The following FGF14 variants were observed in gnomAD, a reference collection of about 807,000 sequenced individuals.
FGF14 encodes the protein fibroblast growth factor homologous factor 4.
Under a neutral mutation model 25.5 loss-of-function variants are expected in FGF14, and 5 were observed. The observed-to-expected ratio is 0.20, with a 90% CI of 0.10 to 0.41. FGF14 has a LOEUF of 0.41. Among genes scored for constraint, FGF14 ranks in the 10% least tolerant of loss-of-function variants. The pLI is 1.00. For missense variants in FGF14, 222 were observed against 320.1 expected, an observed-to-expected ratio of 0.69 and a Z score of 2.34; for synonymous variants, 138 against 118.3, an observed-to-expected ratio of 1.17 and a Z score of -1.08.
At chr13:101,990,094 G>C (rs139098432) in intron 1 of FGF14, among the ~76,000 whole-genome samples, 322 of 152,146 alleles carry the variant, frequency 2.1e-3, no homozygotes, top group Non-Finnish European at 3.7e-3. Context: ...TCAAAACTCG[G>C]AACACACAAA....
intron 1 of FGF14, among the ~76,000 whole-genome samples, chr13:101,944,285 T>A (rs560039414): frequency 6.6e-6 from 1 of 152,182 alleles, no homozygotes; most frequent in African/African-American, 2.4e-5. Context: ...AAAGATTATA[T>A]CATTGTAATG....
intron 1 of FGF14, among the ~76,000 whole-genome samples, chr13:102,119,106 C>A (rs1383530103): frequency 1.3e-5 from 2 of 152,188 alleles, no homozygotes; most frequent in African/African-American, 4.8e-5. Context: ...ATAGTGACCT[C>A]ATGGGCCTCT....
chr13:102,255,133 TTC>T (rs1335765878), intron 1 of FGF14, among the ~76,000 whole-genome samples: 1 of 152,194 alleles, frequency 6.6e-6, no homozygotes, highest in Non-Finnish European at 1.5e-5. Context: ...ACCTCAAAAT[TTC>T]TCTCTTTCAT....
chr13:102,260,410 C>T lies in FGF14; in HGVS notation c.208+141061G>A, dbSNP rs187672435. Among the ~76,000 whole-genome samples, 15 of 152,322 alleles carry T rather than the reference C, an allele frequency of 9.8e-5. No individual in the cohort carries two copies. In the South Asian group the frequency reaches 1.0e-3, roughly 11 times the overall value. ...ATGCAGTGGAGAGCAAAGTAATGCC[C>T]TCCAGGCACTGGCGTGGCAGCATTT... On this transcript the variant is annotated intron_variant, in intron 1 of 4. Transcript: ENST00000376131.
chr13:102,081,516 AT>A (rs1458645573), intron 1 of FGF14, among the ~76,000 whole-genome samples: 2 of 152,166 alleles, frequency 1.3e-5, no homozygotes, highest in Non-Finnish European at 2.9e-5. Flanking sequence ...TGGTCAAAAT[AT>A]CCCCAATGAT....
At chr13:102,052,753 C>T (rs1018204694) in intron 1 of FGF14, among the ~76,000 whole-genome samples, 1 of 151,998 alleles carries the variant, frequency 6.6e-6, no homozygotes, top group South Asian at 2.1e-4. Context: ...TTCATAATCA[C>T]CAGACCTGTT....
At chr13:101,961,347 C>T (rs1366056961) in intron 1 of FGF14, among the ~76,000 whole-genome samples, 1 of 152,146 alleles carries the variant, frequency 6.6e-6, no homozygotes. Flanking sequence ...TTTAAACCAT[C>T]TTGAGGTAAT....
intron 1 of FGF14, among the ~76,000 whole-genome samples, chr13:101,969,379 C>G (rs575548714): frequency 6.6e-6 from 1 of 151,984 alleles, no homozygotes; most frequent in African/African-American, 2.4e-5. Flanking sequence ...CTGGCTAACA[C>G]GGTGAATCCC....
intron 1 of FGF14, among the ~76,000 whole-genome samples, chr13:101,909,795 A>G (rs1253189404): frequency 2.6e-5 from 4 of 152,170 alleles, no homozygotes; most frequent in Non-Finnish European, 5.9e-5. Flanking sequence ...ACGCACACAT[A>G]TGTTTCTTGC....
intron 3 of FGF14, among the ~76,000 whole-genome samples, chr13:101,817,637 G>A (rs1170797433): frequency 3.3e-5 from 5 of 152,162 alleles, no homozygotes; most frequent in Non-Finnish European, 1.5e-5. Context: ...TTTAACTGGT[G>A]AAAAGTTGGA....
intron 1 of FGF14, among the ~76,000 whole-genome samples, chr13:102,020,617 A>G (rs1416768996): frequency 2.0e-5 from 3 of 152,058 alleles, no homozygotes; most frequent in East Asian, 3.9e-4. Context: ...ATGTCAGACA[A>G]AGAGTGGAAA....
At chr13:101,992,877 AAGG>A (rs1448089336) in intron 1 of FGF14, among the ~76,000 whole-genome samples, 2 of 152,046 alleles carry the variant, frequency 1.3e-5, no homozygotes, top group African/African-American at 4.8e-5. Flanking sequence ...GGAATAGCAA[AAGG>A]AGAAGAAAGA....
intron 3 of FGF14, among the ~76,000 whole-genome samples, chr13:101,764,719 C>T (rs2038270741): frequency 6.6e-6 from 1 of 152,158 alleles, no homozygotes; most frequent in Non-Finnish European, 1.5e-5. Context: ...TGCACCTCCC[C>T]CACCACACCC....
chr13:102,206,271 C>T (rs1188796112), intron 1 of FGF14, among the ~76,000 whole-genome samples: 2 of 152,020 alleles, frequency 1.3e-5, no homozygotes, highest in South Asian at 2.1e-4. Context: ...GCTCCCACAT[C>T]CTCTCCGGTT....
intron 3 of FGF14, among the ~76,000 whole-genome samples, chr13:101,763,387 G>A (rs9513944): frequency 0.011 from 1,624 of 152,270 alleles, 14 homozygotes; most frequent in Non-Finnish European, 0.017. Flanking sequence ...CCCATGGGAT[G>A]GAATGAACAG....
Position 101,867,932 on chromosome 13 carries a change from A to ATG in FGF14, c.408+792_408+793insCA, listed in dbSNP as rs2044812778. Reference sequence around the variant, plus strand: ...CACACACACACACACACACACACACACACGCGCACACACACAATATGTGTA... The same window carrying ATG: ...CACACACACACACACACACACACACATGCACGCGCACACACACAATATGTGTA... On this transcript the variant is annotated intron_variant, in intron 3 of 4. Transcript: ENST00000376143. 1.5e-4 allele frequency among the ~76,000 whole-genome samples: 19 copies of ATG among 126,458 alleles called. No individual in the cohort carries two copies. The Admixed American group carries it at 1.6e-3, about 11-fold the overall frequency. The allele number at this position is 126,458 out of a possible 152,430, so 83.0% of individuals were successfully genotyped here.
chr13:101,809,932 G>T (rs1328760220), intron 3 of FGF14, among the ~76,000 whole-genome samples: 1 of 152,082 alleles, frequency 6.6e-6, no homozygotes, highest in African/African-American at 2.4e-5. Flanking sequence ...CTAGTGAACT[G>T]GAAGAGTCTG....
intron 1 of FGF14, among the ~76,000 whole-genome samples, chr13:102,128,679 CGT>C (rs2046053691): frequency 1.3e-5 from 2 of 152,064 alleles, no homozygotes; most frequent in Admixed American, 1.3e-4. Flanking sequence ...CACTGGCAAA[CGT>C]ATGTGAAAAA....
chr13:102,044,294 C>T (rs1391129131), intron 1 of FGF14, among the ~76,000 whole-genome samples: 1 of 152,080 alleles, frequency 6.6e-6, no homozygotes, highest in Non-Finnish European at 1.5e-5. Context: ...TGCTAATTAC[C>T]CCTAAAAGAT....
Sources: gnomAD v4.1 joint callset for allele counts (sites outside exome capture counted in the v4.1 genomes callset) on GRCh38, gnomAD v4.1.1 for gene constraint, MANE v1.5 for transcripts, NCBI Gene and HGNC (gene_info 2026-07-23, HGNC 2026-07-21) for gene names.